GRIK2: variants seen among roughly 807,000 people sequenced by gnomAD.
GRIK2 encodes the protein glutamate ionotropic receptor kainate type subunit 2.
Under a neutral mutation model 100.3 loss-of-function variants are expected in GRIK2, and 32 were observed. The ratio of observed to expected loss-of-function variants is 0.32; its 90% confidence interval spans 0.24 to 0.43. GRIK2 has a LOEUF of 0.43. Among genes scored for constraint, GRIK2 ranks in the 20% least tolerant of loss-of-function variants. GRIK2 has a pLI of 1.00. For synonymous variants in GRIK2, 417 were observed against 389.4 expected (o/e 1.07, Z -0.83); for missense variants, 843 against 1,114.9 (o/e 0.76, Z 3.47).
chr6:102,017,663 A>C (rs911744452), intron 14 of GRIK2, among the ~76,000 whole-genome samples: 1 of 151,748 alleles, frequency 6.6e-6, no homozygotes, highest in African/African-American at 2.4e-5. Context: ...TATTCTGTGT[A>C]TATTATATAT....
chr6:101,726,544 C>T (rs1282716944), intron 7 of GRIK2, among the ~76,000 whole-genome samples: 1 of 152,030 alleles, frequency 6.6e-6, no homozygotes, highest in East Asian at 1.9e-4. Flanking sequence ...GGAACTAAAC[C>T]TATGACAGTT....
chr6:101,569,770 T>C (rs978293622), intron 2 of GRIK2, among the ~76,000 whole-genome samples: 8 of 152,082 alleles, frequency 5.3e-5, no homozygotes, highest in Admixed American at 2.6e-4. Context: ...GCCTCCTAAA[T>C]CCTTTCGGAA....
intron 2 of GRIK2, among the ~76,000 whole-genome samples, chr6:101,416,184 T>C (rs1776130835): frequency 1.3e-5 from 2 of 152,168 alleles, no homozygotes; most frequent in Admixed American, 1.3e-4. Flanking sequence ...AAAGGGCCAG[T>C]TTGTCAACCA....
At chr6:102,044,057 TCATACAGAGGAATACCATTGAAA>T (rs1197817777) in intron 15 of GRIK2, among the ~76,000 whole-genome samples, 2 of 151,946 alleles carry the variant, frequency 1.3e-5, no homozygotes, top group Non-Finnish European at 2.9e-5. Flanking sequence ...GAAAATGGGC[TCATACAGAGGAATACCATTGAAA>T]GACCTTAATT....
Position 101,984,346 on chromosome 6 carries a change from T to G in GRIK2, c.2086-50995T>G, listed in dbSNP as rs185369026. On this transcript the variant is annotated intron_variant, in intron 14 of 16. Coordinates refer to ENST00000369134, the MANE Select transcript of GRIK2 (RefSeq NM_021956.5). ...AAATGAGATTTTTTTTCAGTCACCCTAAGGAATTCTTAACTACCTTGCTTG... is the reference window on the plus strand; with the variant it reads ...AAATGAGATTTTTTTTCAGTCACCCGAAGGAATTCTTAACTACCTTGCTTG... 4.5e-3 allele frequency among the ~76,000 whole-genome samples: 685 copies of G among 151,664 alleles called. 3 individuals are homozygous for G. The highest frequency in any genetic ancestry group is 8.0e-3 in the Non-Finnish European group (544 of 67,720).
In GRIK2 at chr6:101,399,150, C is replaced by T. The variant is rs1253265304; in HGVS notation, c.-128C>T. The T allele has an allele frequency of 1.6e-5, 10 of 620,708 alleles. No individual in the cohort carries two copies. Among genetic ancestry groups the T allele is most frequent in the Non-Finnish European group, 2.6e-5 (9 of 340,106 alleles). The allele number at this position is 620,708 out of a possible 1,614,324, so 38.5% of individuals were successfully genotyped here. A position where few individuals can be genotyped will look rare whatever the true frequency, so the allele number is the denominator to read the frequency against. ...GGGTTTGGGAAGCGGAGACTCCTTC[C>T]TCTCTCTATGACCATGCCGTGATCG... On this transcript the variant is annotated 5_prime_UTR_variant, in exon 2 of 17. Transcript: ENST00000369134.
intron 2 of GRIK2, among the ~76,000 whole-genome samples, chr6:101,620,560 A>G (rs1780108237): frequency 6.6e-6 from 1 of 152,140 alleles, no homozygotes. Flanking sequence ...CTAATTTATA[A>G]TAGGTAGTTT....
At chr6:101,605,555 T>C (rs1779404335) in intron 2 of GRIK2, among the ~76,000 whole-genome samples, 2 of 152,070 alleles carry the variant, frequency 1.3e-5, no homozygotes, top group Admixed American at 6.6e-5. Flanking sequence ...ATATTTTAAA[T>C]TGCTACATGT....
At chr6:102,053,454 G>A (rs1196666640) in intron 15 of GRIK2, among the ~76,000 whole-genome samples, 4 of 152,004 alleles carry the variant, frequency 2.6e-5, no homozygotes, top group Admixed American at 1.3e-4. Context: ...TTGCTCTTAC[G>A]TTATGTTAAA....
intron 14 of GRIK2, among the ~76,000 whole-genome samples, chr6:102,027,574 T>C (rs921712102): frequency 6.7e-6 from 1 of 150,300 alleles, no homozygotes; most frequent in Non-Finnish European, 1.5e-5. Flanking sequence ...GTTGTTGTTA[T>C]GACATTTAAA....
At chr6:101,713,917 G>A (rs939720820) in intron 7 of GRIK2, among the ~76,000 whole-genome samples, 5 of 151,624 alleles carry the variant, frequency 3.3e-5, no homozygotes, top group South Asian at 4.2e-4. Context: ...TTCACCCTAC[G>A]CTTGAATTAA....
intron 7 of GRIK2, among the ~76,000 whole-genome samples, chr6:101,782,882 G>A (rs931751000): frequency 7.4e-5 from 10 of 134,824 alleles, no homozygotes; most frequent in Non-Finnish European, 1.6e-4. Context: ...TTTTTGAGAT[G>A]GAGTCTCACT....
Position 101,960,757 on chromosome 6 carries a change from G to A in GRIK2, c.2085+32125G>A, listed in dbSNP as rs9322622. On this transcript the variant is annotated intron_variant, in intron 14 of 16. Coordinates refer to ENST00000369134, the MANE Select transcript of GRIK2 (RefSeq NM_021956.5). ...AGTCTCAGGAAACTTACCTTATTCC[G>A]CAGCACAATGCTCTTCTGACAGAAG... Among the ~76,000 whole-genome samples, 522 of 152,212 alleles carry A rather than the reference G, an allele frequency of 3.4e-3. 2 individuals are homozygous for A. Among genetic ancestry groups the A allele is most frequent in the African/African-American group, 0.012 (500 of 41,558 alleles).
At chr6:101,915,625 A>G (rs985919728) in intron 12 of GRIK2, among the ~76,000 whole-genome samples, 2 of 151,420 alleles carry the variant, frequency 1.3e-5, no homozygotes, top group Non-Finnish European at 3.0e-5. Flanking sequence ...TGGCAAGGAT[A>G]TTTTTACAGA....
At chr6:101,457,478 C>A (rs1449096951) in intron 2 of GRIK2, among the ~76,000 whole-genome samples, 1 of 151,958 alleles carries the variant, frequency 6.6e-6, no homozygotes, top group Non-Finnish European at 1.5e-5. Flanking sequence ...CGTATGTAAT[C>A]TTTATTGGCC....
intron 7 of GRIK2, among the ~76,000 whole-genome samples, chr6:101,785,331 C>CT (rs1310038326): frequency 6.6e-6 from 1 of 152,024 alleles, no homozygotes; most frequent in East Asian, 1.9e-4. Context: ...TTTTGTGTCC[C>CT]ATATGTCTAT....
intron 14 of GRIK2, among the ~76,000 whole-genome samples, chr6:101,999,737 A>G (rs1376551235): frequency 6.6e-6 from 1 of 152,010 alleles, no homozygotes; most frequent in Non-Finnish European, 1.5e-5. Context: ...GAAAAGATGT[A>G]TTTTCCTTTT....
intron 11 of GRIK2, among the ~76,000 whole-genome samples, chr6:101,874,940 T>C (rs757962853): frequency 6.6e-5 from 10 of 152,168 alleles, no homozygotes; most frequent in Non-Finnish European, 1.2e-4. Context: ...TTTTTGCACA[T>C]TGATTTTGTA....
chr6:101,576,365 G>T (rs1273686044), intron 2 of GRIK2, among the ~76,000 whole-genome samples: 1 of 151,976 alleles, frequency 6.6e-6, no homozygotes, highest in Non-Finnish European at 1.5e-5. Flanking sequence ...TATTATCATG[G>T]TGGCATTTAT....
Sources: gnomAD v4.1 joint callset for allele counts (sites outside exome capture counted in the v4.1 genomes callset) on GRCh38, gnomAD v4.1.1 for gene constraint, MANE v1.5 for transcripts, NCBI Gene and HGNC (gene_info 2026-07-23, HGNC 2026-07-21) for gene names.